WWOX: variants seen among roughly 807,000 people sequenced by gnomAD.
The protein encoded by WWOX is WW domain-containing oxidoreductase.
Under a neutral mutation model 46.2 loss-of-function variants are expected in WWOX, and 69 were observed. The ratio of observed to expected loss-of-function variants is 1.49; its 90% CI spans 1.23 to 1.82. The LOEUF is 1.82. Among genes scored for constraint, WWOX ranks in the 40% most tolerant of loss-of-function variants. WWOX has a pLI of 0.00. For missense variants in WWOX, 919 were observed against 542.6 expected, an observed-to-expected ratio of 1.69 and a Z score of -6.89; for synonymous variants, 359 against 202.6, an observed-to-expected ratio of 1.77 and a Z score of -6.56.
rs146852632 is a variant in WWOX at position 78,680,595 on chromosome 16, G to C, written c.1056+247843G>C. 4.6e-5 allele frequency among the ~76,000 whole-genome samples: 7 copies of C among 152,294 alleles called. No individual in the cohort carries two copies. In the East Asian group the frequency reaches 9.7e-4, roughly 21 times the overall value. On this transcript the variant is annotated intron_variant, in intron 8 of 8. Coordinates refer to ENST00000566780, the MANE Select transcript of WWOX (RefSeq NM_016373.4). ...ATACTTGAAGGTAGCCAGTGGACACGTGGGGCCATTTCAAGCTAAATTAAA... is the reference window on the plus strand; with the variant it reads ...ATACTTGAAGGTAGCCAGTGGACACCTGGGGCCATTTCAAGCTAAATTAAA...
chr16:79,069,785 G>A lies in WWOX; in HGVS notation c.1057-141823G>A, dbSNP rs1044686558. 4.6e-5 allele frequency among the ~76,000 whole-genome samples: 7 copies of A among 152,180 alleles called. No homozygotes were observed. In the East Asian group the frequency reaches 1.4e-3, roughly 29 times the overall value. ...GAAGAGAAGCCGGGAAGGAGGAGGA[G>A]GTTTCTGGGGTTAACCTGTGTTTTG... is the stretch of plus-strand genomic sequence containing the variant. On this transcript the variant is annotated intron_variant, in intron 8 of 8. Transcript: ENST00000566780.
chr16:79,126,909 G>C (rs1341867713), intron 8 of WWOX, among the ~76,000 whole-genome samples: 1 of 152,162 alleles, frequency 6.6e-6, no homozygotes. Context: ...GTGTAAGACA[G>C]AGAAAAGGAG....
chr16:78,319,177 G>T (rs1341074355), intron 5 of WWOX, among the ~76,000 whole-genome samples: 1 of 152,018 alleles, frequency 6.6e-6, no homozygotes, highest in African/African-American at 2.4e-5. Context: ...GGAGGGAGGC[G>T]GGCATGAGCC....
intron 8 of WWOX, among the ~76,000 whole-genome samples, chr16:79,152,359 A>G (rs1367578883): frequency 6.6e-6 from 1 of 152,134 alleles, no homozygotes; most frequent in Non-Finnish European, 1.5e-5. Context: ...GCCAAGGGGA[A>G]GACAGTTAAG....
chr16:78,974,718 G>T (rs1254467059), intron 8 of WWOX, among the ~76,000 whole-genome samples: 1 of 152,146 alleles, frequency 6.6e-6, no homozygotes, highest in Non-Finnish European at 1.5e-5. Flanking sequence ...TTGCCACTTT[G>T]CCAAACCCCA....
chr16:78,770,036 CGT>C (rs2050026569), intron 8 of WWOX, among the ~76,000 whole-genome samples: 3 of 150,682 alleles, frequency 2.0e-5, no homozygotes, highest in Admixed American at 2.0e-4. Context: ...AGAGTGAGAC[CGT>C]GTCTTTAAGT....
intron 8 of WWOX, among the ~76,000 whole-genome samples, chr16:78,816,643 C>T (rs2051338325): frequency 1.3e-5 from 2 of 149,830 alleles, no homozygotes; most frequent in Non-Finnish European, 3.0e-5. Flanking sequence ...AGCTGTGTCA[C>T]ATTAAAAGCA....
intron 8 of WWOX, among the ~76,000 whole-genome samples, chr16:79,028,617 C>G (rs575570534): frequency 1.3e-5 from 2 of 150,800 alleles, no homozygotes; most frequent in African/African-American, 4.9e-5. Flanking sequence ...TACTTTTTTC[C>G]TGAATTAGGG....
chr16:78,133,501 T>C (rs1162220778), intron 4 of WWOX, among the ~76,000 whole-genome samples: 1 of 152,220 alleles, frequency 6.6e-6, no homozygotes, highest in Non-Finnish European at 1.5e-5. Context: ...CCTCAAGTGA[T>C]CTGCCCGCCT....
chr16:78,924,664 A>C (rs184222910), intron 8 of WWOX, among the ~76,000 whole-genome samples: 87 of 152,380 alleles, frequency 5.7e-4, no homozygotes, highest in African/African-American at 2.0e-3. Flanking sequence ...TATCCATTCA[A>C]CATTTATTAG....
intron 8 of WWOX, among the ~76,000 whole-genome samples, chr16:79,099,704 G>A (rs1290645975): frequency 3.9e-5 from 6 of 152,074 alleles, no homozygotes; most frequent in Non-Finnish European, 5.9e-5. Flanking sequence ...GGTATGGGCC[G>A]AAAATAACAT....
chr16:78,319,722 G>A (rs186258273), intron 5 of WWOX, among the ~76,000 whole-genome samples: 45 of 152,150 alleles, frequency 3.0e-4, no homozygotes, highest in African/African-American at 9.9e-4. Context: ...TTTAACCACC[G>A]CCACTACTAA....
chr16:78,495,204 G>A (rs2084886592), intron 8 of WWOX, among the ~76,000 whole-genome samples: 1 of 139,170 alleles, frequency 7.2e-6, no homozygotes, highest in Admixed American at 8.2e-5. Flanking sequence ...GCGGTGGCAT[G>A]ATCTCGGCTC....
chr16:78,541,905 A>T (rs901458977), intron 8 of WWOX, among the ~76,000 whole-genome samples: 5 of 151,040 alleles, frequency 3.3e-5, no homozygotes, highest in African/African-American at 1.2e-4. Flanking sequence ...TAAAAAATAA[A>T]AGTTAAATTT....
intron 8 of WWOX, among the ~76,000 whole-genome samples, chr16:78,729,827 C>G (rs1358351045): frequency 6.6e-6 from 1 of 152,174 alleles, no homozygotes; most frequent in African/African-American, 2.4e-5. Flanking sequence ...AGGCCTGAAC[C>G]TGCTATGCAG....
intron 8 of WWOX, among the ~76,000 whole-genome samples, chr16:78,602,503 A>C (rs2161718): frequency 0.11 from 17,375 of 152,170 alleles, 1,226 homozygotes; most frequent in East Asian, 0.23. Flanking sequence ...AAGTGCTGGG[A>C]TTACAGGTGC....
intron 8 of WWOX, among the ~76,000 whole-genome samples, chr16:78,772,123 C>T (rs1455523846): frequency 6.6e-6 from 1 of 152,130 alleles, no homozygotes; most frequent in East Asian, 1.9e-4. Context: ...GTTTGTTGAA[C>T]AGATTATTTC....
chr16:78,782,792 C>A (rs757323599), intron 8 of WWOX, among the ~76,000 whole-genome samples: 2 of 151,380 alleles, frequency 1.3e-5, no homozygotes, highest in Non-Finnish European at 2.9e-5. Flanking sequence ...ATATGTGATG[C>A]AATCAATCAT....
At chr16:78,548,002 A>C (rs2044082225) in intron 8 of WWOX, among the ~76,000 whole-genome samples, 1 of 151,922 alleles carries the variant, frequency 6.6e-6, no homozygotes, top group Admixed American at 6.6e-5. Flanking sequence ...AAACATTTTA[A>C]AAATTAGCCG....
Sources: gnomAD v4.1 joint callset for allele counts (sites outside exome capture counted in the v4.1 genomes callset) on GRCh38, gnomAD v4.1.1 for gene constraint, MANE v1.5 for transcripts, NCBI Gene and HGNC (gene_info 2026-07-23, HGNC 2026-07-21) for gene names.